TOGARAM2: variants seen among roughly 807,000 people sequenced by gnomAD.
The protein encoded by TOGARAM2 is TOG array regulator of axonemal microtubules 2.
Under a neutral mutation model 93.3 loss-of-function variants are expected in TOGARAM2, and 85 were observed. That is an observed-to-expected ratio of 0.91 (90% confidence interval 0.76 to 1.09). The LOEUF is 1.09. Among genes scored for constraint, TOGARAM2 ranks in the 50% least tolerant of loss-of-function variants. The pLI is 0.00. For missense variants in TOGARAM2, 1,277 were observed against 1,334.5 expected, an observed-to-expected ratio of 0.96 and a Z score of 0.67; for synonymous variants, 593 against 552.8, an observed-to-expected ratio of 1.07 and a Z score of -1.02.
At chr2:28,966,111 C>T (rs1671863185) in intron 1 of TOGARAM2, among the ~76,000 whole-genome samples, 1 of 151,804 alleles carries the variant, frequency 6.6e-6, no homozygotes, top group Admixed American at 6.6e-5. Context: ...CAACCTTTGC[C>T]TCCCAAGTAG....
intron 2 of TOGARAM2, among the ~76,000 whole-genome samples, chr2:28,996,216 T>G (rs920015075): frequency 6.6e-6 from 1 of 152,214 alleles, no homozygotes; most frequent in African/African-American, 2.4e-5. Context: ...AATTGGGATT[T>G]CCAGCACCTC....
At chr2:29,039,864 G>A (rs767409267) in intron 18 of TOGARAM2, among the ~76,000 whole-genome samples, 3 of 152,170 alleles carry the variant, frequency 2.0e-5, no homozygotes, top group Admixed American at 6.5e-5. Context: ...AAGAAACTTC[G>A]CTAATGAAAA....
chr2:28,961,748 T>C (rs568067239), intron 1 of TOGARAM2, among the ~76,000 whole-genome samples: 19 of 152,358 alleles, frequency 1.2e-4, no homozygotes, highest in Admixed American at 1.0e-3. Flanking sequence ...ACAGAAGATT[T>C]CTGTTATCCC....
At chr2:28,991,735 T>C (rs1396614493) in intron 1 of TOGARAM2, among the ~76,000 whole-genome samples, 1 of 152,200 alleles carries the variant, frequency 6.6e-6, no homozygotes, top group Non-Finnish European at 1.5e-5. Context: ...GGGACTGAAC[T>C]TCTTTACTGG....
intron 16 of TOGARAM2, among the ~76,000 whole-genome samples, chr2:29,034,231 C>T (rs554519627): frequency 6.6e-6 from 1 of 152,326 alleles, no homozygotes; most frequent in South Asian, 2.1e-4. Flanking sequence ...AGCTGGTATT[C>T]ATGCCCCTCC....
intron 10 of TOGARAM2, among the ~76,000 whole-genome samples, chr2:29,021,049 G>T (rs956597293): frequency 3.3e-5 from 5 of 152,172 alleles, no homozygotes; most frequent in Non-Finnish European, 5.9e-5. Flanking sequence ...GAGTATCTGG[G>T]ATTACAGGCA....
chr2:29,010,254 G>A (rs934369215), intron 6 of TOGARAM2, among the ~76,000 whole-genome samples: 2 of 152,238 alleles, frequency 1.3e-5, no homozygotes, highest in East Asian at 1.9e-4. Context: ...TCTTAGTGCC[G>A]TTGGGCAGTG....
chr2:28,992,092 G>C (rs937859120), intron 1 of TOGARAM2, among the ~76,000 whole-genome samples: 9 of 152,156 alleles, frequency 5.9e-5, no homozygotes, highest in African/African-American at 1.9e-4. Flanking sequence ...GGGTGTGATG[G>C]GGCCTCGGTG....
intron 6 of TOGARAM2, 146 bp downstream of exon 6, chr2:29,003,828 G>T: frequency 1.3e-6 from 1 of 794,240 alleles, no homozygotes; most frequent in East Asian, 3.3e-5. Context: ...CTCCACCCAT[G>T]AGCCACAGAC....
At chr2:29,010,529 G>A (rs527496373) in intron 6 of TOGARAM2, among the ~76,000 whole-genome samples, 83 of 152,184 alleles carry the variant, frequency 5.5e-4, no homozygotes, top group African/African-American at 1.9e-3. Context: ...AGGCACTGAG[G>A]GGGGCTGTCC....
At chr2:28,965,820 C>T (rs1427697060) in intron 1 of TOGARAM2, among the ~76,000 whole-genome samples, 2 of 152,142 alleles carry the variant, frequency 1.3e-5, no homozygotes, top group Non-Finnish European at 1.5e-5. Flanking sequence ...TGGGATGCCC[C>T]TTCCCTGCTT....
chr2:29,005,976 CGTATGAGT>C (rs1663757665), intron 6 of TOGARAM2, among the ~76,000 whole-genome samples: 1 of 46,410 alleles, frequency 2.2e-5, no homozygotes. Flanking sequence ...TGTGTGAGAC[CGTATGAGT>C]GCATGTGTAG....
At chr2:29,005,479 ATGTGTGCATG>A (rs1014349913) in intron 6 of TOGARAM2, among the ~76,000 whole-genome samples, 3 of 92,878 alleles carry the variant, frequency 3.2e-5, no homozygotes, top group African/African-American at 2.6e-4. Flanking sequence ...ATGTGTGTGC[ATGTGTGCATG>A]TGTGTGAGTG....
At chr2:29,049,742 C>T (rs1044733727) in intron 19 of TOGARAM2, 4 of 152,364 alleles carry the variant, frequency 2.6e-5, no homozygotes, top group Middle Eastern at 3.4e-3. Context: ...ACCCCAGGAT[C>T]CTTTCCTGGG....
intron 14 of TOGARAM2, among the ~76,000 whole-genome samples, chr2:29,029,493 A>C (rs1476306604): frequency 5.3e-5 from 8 of 152,212 alleles, no homozygotes; most frequent in Non-Finnish European, 1.2e-4. Context: ...GCGGTGGCTC[A>C]CGCCTGTAAT....
At chr2:29,023,655 G>T (rs1039252222) in intron 12 of TOGARAM2, among the ~76,000 whole-genome samples, 1 of 152,186 alleles carries the variant, frequency 6.6e-6, no homozygotes, top group Non-Finnish European at 1.5e-5. Context: ...GGTGGGGTGG[G>T]GATGAATACG....
At chr2:29,045,952 T>C in intron 19 of TOGARAM2, 1 of 169,264 alleles carries the variant, frequency 5.9e-6, no homozygotes, top group East Asian at 1.8e-4. Context: ...AGCCTCCTTT[T>C]TCAGACAGAC....
chr2:29,023,642 G>T (rs911983730), intron 12 of TOGARAM2, among the ~76,000 whole-genome samples: 1 of 152,266 alleles, frequency 6.6e-6, no homozygotes, highest in East Asian at 1.9e-4. Flanking sequence ...CTGCTCCAGT[G>T]GGGGTGGGGT....
At chr2:28,999,694 A>T (rs1310575524) in intron 4 of TOGARAM2, among the ~76,000 whole-genome samples, 1 of 151,868 alleles carries the variant, frequency 6.6e-6, no homozygotes, top group Non-Finnish European at 1.5e-5. Context: ...CTTCATTCCC[A>T]CCCTTGCGCC....
Sources: allele counts gnomAD v4.1 joint callset (sites outside exome capture counted in the v4.1 genomes callset), GRCh38; gene constraint gnomAD v4.1.1; transcripts MANE v1.5; gene names NCBI Gene and HGNC (gene_info 2026-07-23, HGNC 2026-07-21).